The following AUTS2 variants were observed in gnomAD, a reference collection of about 807,000 sequenced individuals.
AUTS2 encodes autism susceptibility gene 2 protein.
Under a neutral mutation model 112.4 loss-of-function variants are expected in AUTS2, and 17 were observed. The ratio of observed to expected loss-of-function variants is 0.15; its 90% CI spans 0.10 to 0.23. The LOEUF (loss-of-function observed/expected upper bound fraction) is 0.23, where lower values mean the gene tolerates loss of function less well. Among genes scored for constraint, AUTS2 ranks in the 10% least tolerant of loss-of-function variants. The pLI, the probability that AUTS2 is intolerant of heterozygous loss-of-function variation, is 1.00. For synonymous variants in AUTS2, 751 were observed against 702.7 expected (o/e 1.07, Z -1.09); for missense variants, 1,510 against 1,701.6 (o/e 0.89, Z 1.98).
At chr7:69,961,744 G>A (rs1797438654) in intron 2 of AUTS2, among the ~76,000 whole-genome samples, 1 of 152,064 alleles carries the variant, frequency 6.6e-6, no homozygotes, top group Non-Finnish European at 1.5e-5. Flanking sequence ...CAGAGATAGA[G>A]CCCATGTTGT....
At chr7:69,954,153 A>C (rs909540064) in intron 2 of AUTS2, among the ~76,000 whole-genome samples, 6 of 151,376 alleles carry the variant, frequency 4.0e-5, no homozygotes, top group Non-Finnish European at 7.3e-5. Context: ...CAAACTAATC[A>C]ATCACTCCAC....
At chr7:70,737,407 G>A (rs777984421) in intron 6 of AUTS2, among the ~76,000 whole-genome samples, 10 of 152,206 alleles carry the variant, frequency 6.6e-5, no homozygotes, top group African/African-American at 2.2e-4. Flanking sequence ...AGAACCTCAC[G>A]TTTCTGATTG....
rs545039190 is a variant in AUTS2 at position 70,538,552 on chromosome 7, A to G, written c.690+102771A>G. ...CTCAAAAAAAGAAAGAGAGAGAGAG[A>G]TAAATGAAACATCTGCTCCTTAAAG... On this transcript the variant is annotated intron_variant, in intron 5 of 18. Coordinates refer to ENST00000342771, the MANE Select transcript of AUTS2 (RefSeq NM_015570.4). 5.3e-5 allele frequency among the ~76,000 whole-genome samples: 8 copies of G among 152,312 alleles called. No individual in the cohort carries two copies. In the South Asian group the frequency reaches 1.7e-3, roughly 32 times the overall value.
intron 3 of AUTS2, 111 bp from the exon 4 acceptor site, chr7:70,134,425 A>T (rs1769945265): frequency 2.4e-6 from 2 of 837,754 alleles, no homozygotes; most frequent in Admixed American, 1.8e-5. Flanking sequence ...TACACTGGTG[A>T]TGTGATGTGG....
chr7:69,904,504 A>G (rs1310908735), intron 2 of AUTS2, among the ~76,000 whole-genome samples: 3 of 152,196 alleles, frequency 2.0e-5, no homozygotes, highest in Non-Finnish European at 4.4e-5. Context: ...TTGAGACACG[A>G]ATGTAATTTG....
At chr7:70,688,409 C>T (rs1416526933) in intron 5 of AUTS2, among the ~76,000 whole-genome samples, 2 of 152,200 alleles carry the variant, frequency 1.3e-5, no homozygotes, top group Non-Finnish European at 2.9e-5. Flanking sequence ...TGTCTCCAGA[C>T]ACACATCTGT....
At chr7:70,527,068 C>T (rs1420857631) in intron 5 of AUTS2, among the ~76,000 whole-genome samples, 1 of 152,232 alleles carries the variant, frequency 6.6e-6, no homozygotes, top group African/African-American at 2.4e-5. Context: ...ACAAGCTGAG[C>T]TGCCTTCCTG....
intron 1 of AUTS2, among the ~76,000 whole-genome samples, chr7:69,736,007 T>A (rs1403082035): frequency 6.6e-6 from 1 of 152,234 alleles, no homozygotes; most frequent in African/African-American, 2.4e-5. Context: ...GCAGGGACTT[T>A]GTTTCCTATA....
intron 1 of AUTS2, among the ~76,000 whole-genome samples, chr7:69,712,769 G>A (rs1353098654): frequency 6.6e-6 from 1 of 152,140 alleles, no homozygotes; most frequent in Non-Finnish European, 1.5e-5. Context: ...ATGGGCAGGT[G>A]TATGTTTAAC....
At chr7:70,628,947 G>A (rs1805110440) in intron 5 of AUTS2, among the ~76,000 whole-genome samples, 1 of 152,138 alleles carries the variant, frequency 6.6e-6, no homozygotes. Flanking sequence ...GGGGATTCCA[G>A]CTGAATGTAA....
intron 3 of AUTS2, among the ~76,000 whole-genome samples, chr7:70,128,754 A>C: frequency 6.6e-6 from 1 of 152,236 alleles, no homozygotes; most frequent in East Asian, 1.9e-4. Context: ...AAACAACAGA[A>C]ATCTATTATC....
intron 5 of AUTS2, among the ~76,000 whole-genome samples, chr7:70,585,871 T>G (rs1208518873): frequency 1.7e-5 from 2 of 117,226 alleles, no homozygotes; most frequent in Non-Finnish European, 3.4e-5. Flanking sequence ...TATGTATATA[T>G]GTATGTTTTG....
chr7:70,450,185 C>T (rs1796473760), intron 5 of AUTS2, among the ~76,000 whole-genome samples: 1 of 152,184 alleles, frequency 6.6e-6, no homozygotes, highest in South Asian at 2.1e-4. Flanking sequence ...AAGCCAAGCA[C>T]TGTCATGGGA....
chr7:70,534,531 A>C (rs1454595897), intron 5 of AUTS2, among the ~76,000 whole-genome samples: 1 of 152,080 alleles, frequency 6.6e-6, no homozygotes, highest in African/African-American at 2.4e-5. Flanking sequence ...GGTTCAAGCG[A>C]TTCTCCTGCC....
At chr7:69,790,046 T>C (rs1381960605) in intron 1 of AUTS2, among the ~76,000 whole-genome samples, 1 of 152,072 alleles carries the variant, frequency 6.6e-6, no homozygotes, top group Non-Finnish European at 1.5e-5. Context: ...TTTGGGAGTC[T>C]GAGCTGGGAA....
In AUTS2 at chr7:70,118,245, TAA is replaced by T. The variant is rs11418386; in HGVS notation, c.624+33_624+34del. On this transcript the variant is annotated intron_variant, in intron 3 of 18. Coordinates refer to ENST00000342771, the MANE Select transcript of AUTS2 (RefSeq NM_015570.4). The stretch of plus-strand genomic sequence containing the variant: ...AAAGGCTCAGTGATGTAAGTTTAAG[TAA>T]AAAAAAAAAAAAAAAAAAAATTAAC... 0.076 allele frequency: 91,596 copies of T among 1,205,168 alleles called. No individual in the cohort carries two copies. Among genetic ancestry groups the T allele is most frequent in the East Asian group, 0.1 (3,311 of 31,848 alleles). The allele number at this position is 1,205,168 out of a possible 1,614,324, so 74.7% of individuals were successfully genotyped here. A position where few individuals can be genotyped will look rare whatever the true frequency, so the allele number is the denominator to read the frequency against.
intron 4 of AUTS2, among the ~76,000 whole-genome samples, chr7:70,259,379 A>G (rs1787048363): frequency 6.6e-6 from 1 of 151,428 alleles, no homozygotes; most frequent in Admixed American, 6.6e-5. Flanking sequence ...AAACTTGATC[A>G]TTGATATGTT....
intron 6 of AUTS2, among the ~76,000 whole-genome samples, chr7:70,730,439 G>A (rs1377489091): frequency 1.3e-5 from 2 of 152,058 alleles, no homozygotes; most frequent in Non-Finnish European, 2.9e-5. Flanking sequence ...CTCAGCCCAG[G>A]CAGCCACTAA....
intron 4 of AUTS2, among the ~76,000 whole-genome samples, chr7:70,258,730 T>A (rs964517226): frequency 6.6e-6 from 1 of 152,178 alleles, no homozygotes; most frequent in African/African-American, 2.4e-5. Context: ...GTCAAGCATG[T>A]GACAACAAAT....
Sources: allele counts gnomAD v4.1 joint callset (sites outside exome capture counted in the v4.1 genomes callset), GRCh38; gene constraint gnomAD v4.1.1; transcripts MANE v1.5; gene names NCBI Gene and HGNC (gene_info 2026-07-23, HGNC 2026-07-21).